C2CD3: variants seen among roughly 807,000 people sequenced by gnomAD.
C2CD3 encodes C2 domain-containing protein 3.
Under a neutral mutation model 234.0 loss-of-function variants are expected in C2CD3, and 148 were observed. The observed-to-expected ratio is 0.63, with a 90% CI of 0.55 to 0.72. The LOEUF is 0.72. C2CD3 is among the 30% of genes least tolerant of loss of function. C2CD3 has a pLI of 0.00. For missense variants in C2CD3, 2,577 were observed against 2,811.5 expected (o/e 0.92, Z 1.89); for synonymous variants, 1,000 against 1,035.4 (o/e 0.97, Z 0.66).
intron 3 of C2CD3, among the ~76,000 whole-genome samples, chr11:74,156,272 C>CA (rs905291117): frequency 1.3e-5 from 2 of 151,336 alleles, no homozygotes; most frequent in Non-Finnish European, 2.9e-5. Flanking sequence ...GACTCCGTCT[C>CA]AAAAAACAAA....
At chr11:74,083,989 C>G (rs1481270471) in intron 22 of C2CD3, among the ~76,000 whole-genome samples, 1 of 152,144 alleles carries the variant, frequency 6.6e-6, no homozygotes, top group Non-Finnish European at 1.5e-5. Flanking sequence ...AAGACACATG[C>G]ATATGTATGT....
At chr11:74,127,827 A>C (rs138205640) in intron 7 of C2CD3, among the ~76,000 whole-genome samples, 1 of 151,628 alleles carries the variant, frequency 6.6e-6, no homozygotes, top group African/African-American at 2.4e-5. Context: ...TGATTTCCCG[A>C]TAACAAATGG....
At chr11:74,026,896 G>C (rs1358066504) in intron 32 of C2CD3, among the ~76,000 whole-genome samples, 3 of 146,202 alleles carry the variant, frequency 2.1e-5, no homozygotes, top group Admixed American at 6.8e-5. Flanking sequence ...GCTTGAACCC[G>C]GGAGGCAGAG....
intron 7 of C2CD3, among the ~76,000 whole-genome samples, chr11:74,126,039 G>A (rs1470111542): frequency 6.6e-6 from 1 of 152,128 alleles, no homozygotes; most frequent in Non-Finnish European, 1.5e-5. Flanking sequence ...TTCAGTAGAA[G>A]ACATTTTCCT....
At chr11:74,030,202 A>G (rs1952467277) in intron 31 of C2CD3, among the ~76,000 whole-genome samples, 1 of 152,178 alleles carries the variant, frequency 6.6e-6, no homozygotes, top group African/African-American at 2.4e-5. Flanking sequence ...ACTTCAGGAA[A>G]GTTCACTTTT....
intron 31 of C2CD3, among the ~76,000 whole-genome samples, chr11:74,031,217 A>G (rs1289377048): frequency 2.0e-5 from 3 of 152,242 alleles, no homozygotes; most frequent in African/African-American, 7.2e-5. Flanking sequence ...CAACCCAGTA[A>G]GTACTATTAT....
At chr11:74,060,611 A>ACC (rs1954189006) in intron 24 of C2CD3, among the ~76,000 whole-genome samples, 1 of 152,230 alleles carries the variant, frequency 6.6e-6, no homozygotes, top group Non-Finnish European at 1.5e-5. Context: ...CCAAAACCCC[A>ACC]TGTGGACGTC....
intron 25 of C2CD3, among the ~76,000 whole-genome samples, chr11:74,055,639 C>A (rs1296034232): frequency 6.6e-6 from 1 of 152,214 alleles, no homozygotes; most frequent in Non-Finnish European, 1.5e-5. Flanking sequence ...GCTATTATCA[C>A]CTGAGTGACT....
At chr11:74,125,784 G>A (rs977429897) in intron 7 of C2CD3, among the ~76,000 whole-genome samples, 1 of 151,854 alleles carries the variant, frequency 6.6e-6, no homozygotes, top group Non-Finnish European at 1.5e-5. Context: ...ACTACTTTAC[G>A]AGTGAACTCT....
intron 3 of C2CD3, among the ~76,000 whole-genome samples, chr11:74,155,344 A>G (rs1321409017): frequency 6.6e-6 from 1 of 152,258 alleles, no homozygotes; most frequent in Non-Finnish European, 1.5e-5. Context: ...ATAGTCTGGC[A>G]GTTCCTTAAA....
At chr11:74,156,287 TTAAC>T (rs1347084844) in intron 3 of C2CD3, among the ~76,000 whole-genome samples, 1 of 150,190 alleles carries the variant, frequency 6.7e-6, no homozygotes, top group African/African-American at 2.5e-5. Flanking sequence ...AACAAACAAA[TTAAC>T]AAACAAAAAA....
Position 74,078,300 on chromosome 11 carries a change from G to A in C2CD3, c.4418C>T (p.Ala1473Val), listed in dbSNP as rs750621218. The A allele has an allele frequency of 3.1e-6, 5 of 1,614,010 alleles. No homozygotes were observed. The highest frequency in any genetic ancestry group is 4.5e-5 in the East Asian group (2 of 44,896). The change falls in exon 23 of 33, where the codon GCA (alanine) becomes GTA (valine). Residue 1473 changes from alanine (A) to valine (V), a missense_variant. Transcript: ENST00000334126. Reference sequence around the variant, plus strand: ...CAGTGATGGGCCCCTGGTGACTTCTGCTCTTTTGGATGCCTTGAAAGTGAC... The same window carrying A: ...CAGTGATGGGCCCCTGGTGACTTCTACTCTTTTGGATGCCTTGAAAGTGAC... ...IMVTFKASKRAEVTRGPSLLW... is the reference protein window; with the variant it reads ...IMVTFKASKRVEVTRGPSLLW...
chr11:74,165,017 A>G (rs1460161299), intron 2 of C2CD3: 1 of 152,186 alleles, frequency 6.6e-6, no homozygotes, highest in East Asian at 1.9e-4. Context: ...GCTACAGTGA[A>G]CTGTGTTTGC....
chr11:74,043,452 C>A (rs1389572124), intron 28 of C2CD3, among the ~76,000 whole-genome samples: 1 of 152,156 alleles, frequency 6.6e-6, no homozygotes, highest in Admixed American at 6.5e-5. Flanking sequence ...CATACGTGTA[C>A]AAGTTTTTGT....
At chr11:74,153,095 G>A (rs150188170) in intron 3 of C2CD3, among the ~76,000 whole-genome samples, 1,825 of 152,206 alleles carry the variant, frequency 0.012, 37 homozygotes, top group African/African-American at 0.042. Flanking sequence ...GCGTGCACCT[G>A]TAGTCTTATT....
At chr11:74,099,895 CA>C (rs370465812) in intron 15 of C2CD3, among the ~76,000 whole-genome samples, 29,217 of 91,732 alleles carry the variant, frequency 0.32, 2,730 homozygotes, top group African/African-American at 0.39. Flanking sequence ...GACTCCGTCT[CA>C]AAAAAAAAAA....
At chr11:74,039,757 T>G (rs1952930445) in intron 29 of C2CD3, among the ~76,000 whole-genome samples, 1 of 152,174 alleles carries the variant, frequency 6.6e-6, no homozygotes. Flanking sequence ...CAACCTACAA[T>G]GCGCAGAACT....
At chr11:74,050,717 A>AAAAAAAAAAAAAGATCCCCTT (rs1350665419) in intron 26 of C2CD3, among the ~76,000 whole-genome samples, 3 of 151,938 alleles carry the variant, frequency 2.0e-5, no homozygotes, top group African/African-American at 7.3e-5. Flanking sequence ...ATTTGTTTGG[A>AAAAAAAAAAAAAGATCCCCTT]CAGCTTGCTG....
intron 7 of C2CD3, among the ~76,000 whole-genome samples, 153 bp from the exon 8 acceptor site, chr11:74,123,288 TC>T (rs1480725826): frequency 6.6e-6 from 1 of 152,196 alleles, no homozygotes; most frequent in African/African-American, 2.4e-5. Flanking sequence ...AATAAATATT[TC>T]CCAATTATAC....
Sources: gnomAD v4.1 joint callset for allele counts (sites outside exome capture counted in the v4.1 genomes callset) on GRCh38, gnomAD v4.1.1 for gene constraint, MANE v1.5 for transcripts, NCBI Gene and HGNC (gene_info 2026-07-23, HGNC 2026-07-21) for gene names.